PLCG2: variants seen among roughly 807,000 people sequenced by gnomAD.
The protein encoded by PLCG2 is phospholipase C gamma 2.
Under a neutral mutation model 175.6 loss-of-function variants are expected in PLCG2, and 69 were observed. That is an observed-to-expected ratio of 0.39 (90% confidence interval 0.32 to 0.48). The LOEUF is 0.48. PLCG2 is among the 20% of genes least tolerant of loss of function. PLCG2 has a pLI of 0.91. For synonymous variants in PLCG2, 827 were observed against 624.0 expected (o/e 1.33, Z -4.85); for missense variants, 1,798 against 1,650.9 (o/e 1.09, Z -1.54).
At chr16:81,819,750 A>C (rs897243100) in intron 2 of PLCG2, among the ~76,000 whole-genome samples, 6 of 151,932 alleles carry the variant, frequency 3.9e-5, no homozygotes, top group Non-Finnish European at 8.8e-5. Flanking sequence ...ATGCCTGGCT[A>C]ATTTTTGTAT....
At chr16:81,897,039 T>C (rs1015298030) in intron 13 of PLCG2, among the ~76,000 whole-genome samples, 1 of 152,226 alleles carries the variant, frequency 6.6e-6, no homozygotes, top group African/African-American at 2.4e-5. Flanking sequence ...CTGTTGCAAC[T>C]ATTCAGCCCT....
intron 12 of PLCG2, 124 bp from the exon 13 acceptor site, chr16:81,895,683 C>A: frequency 9.5e-7 from 1 of 1,049,192 alleles, no homozygotes; most frequent in Non-Finnish European, 1.4e-6. Flanking sequence ...CTCGTGTTGG[C>A]AGCCGAATGG....
At chr16:81,778,066 A>AATAC (rs1567457941), upstream of PLCG2, among the ~76,000 whole-genome samples, 753 of 84,896 alleles carry the variant, frequency 8.9e-3, 36 homozygotes, top group African/African-American at 0.029. Flanking sequence ...AAAAAAAACC[A>AATAC]AAAACACACA....
At position 81,958,317 on chromosome 16, in the gene PLCG2, G is replaced by A. The variant is rs909397483; in HGVS notation, c.*319G>A. 4 of 358,426 alleles carry A rather than the reference G, an allele frequency of 1.1e-5. No individual in the cohort carries two copies. The highest frequency in any genetic ancestry group is 8.1e-5 in the African/African-American group (4 of 49,262). 22.2% of individuals were successfully genotyped at this position (358,426 alleles called of 1,614,324 possible). A position where few individuals can be genotyped will look rare whatever the true frequency, so the allele number is the denominator to read the frequency against. On this transcript the variant is annotated 3_prime_UTR_variant, in exon 33 of 33. Coordinates refer to ENST00000564138, the MANE Select transcript of PLCG2 (RefSeq NM_002661.5). ...TGATCAATTAAGCCTTCTGTTGCAC[G>A]ACCTGTGCAGTGAACAGGATTTCTT...
At chr16:81,924,879 C>T (rs141984757) in intron 22 of PLCG2, among the ~76,000 whole-genome samples, 72 of 152,372 alleles carry the variant, frequency 4.7e-4, no homozygotes, top group Middle Eastern at 3.4e-3. Context: ...GTCTGCTTCT[C>T]CCAGTTCAGA....
At chr16:81,797,279 T>C (rs1434818811) in intron 2 of PLCG2, among the ~76,000 whole-genome samples, 3 of 144,074 alleles carry the variant, frequency 2.1e-5, no homozygotes, top group African/African-American at 7.3e-5. Context: ...TGAATCATTT[T>C]TGAAAAAAAA....
chr16:81,944,104 A>C (rs1291593774), intron 30 of PLCG2, among the ~76,000 whole-genome samples: 1 of 152,210 alleles, frequency 6.6e-6, no homozygotes, highest in Non-Finnish European at 1.5e-5. Flanking sequence ...ATTGTGTATC[A>C]GAAGAGGAAC....
chr16:81,869,950 C>T (rs28603034), intron 6 of PLCG2, among the ~76,000 whole-genome samples: 1,819 of 152,186 alleles, frequency 0.012, 41 homozygotes, highest in African/African-American at 0.038. Context: ...TCCAAACAGC[C>T]CCAGTTGGAG....
At chr16:81,926,814 G>A (rs1338970077) in intron 22 of PLCG2, among the ~76,000 whole-genome samples, 8 of 152,192 alleles carry the variant, frequency 5.3e-5, no homozygotes, top group Admixed American at 5.2e-4. Flanking sequence ...CGTAAAGCAT[G>A]GAAACTTTTG....
rs1247556051 is a variant in PLCG2 at position 81,961,757 on chromosome 16, AAAGT to A, written c.*3762_*3765del. 6.3e-5 allele frequency: 13 copies of A among 204,736 alleles called. No individual in the cohort carries two copies. Among genetic ancestry groups the A allele is most frequent in the Admixed American group, 2.4e-4 (4 of 16,816 alleles). 12.7% of individuals were successfully genotyped at this position (204,736 alleles called of 1,614,324 possible). A position where few individuals can be genotyped will look rare whatever the true frequency, so the allele number is the denominator to read the frequency against. On this transcript the variant is annotated 3_prime_UTR_variant, in exon 33 of 33. Coordinates refer to ENST00000564138, the MANE Select transcript of PLCG2 (RefSeq NM_002661.5). Reference sequence around the variant, plus strand: ...TAAGAACCTCCTGGGCTAAATTTAAAAAGTAATACAACAGTTTTATTTAAACATG... The same window carrying A: ...TAAGAACCTCCTGGGCTAAATTTAAAAATACAACAGTTTTATTTAAACATG...
intron 2 of PLCG2, among the ~76,000 whole-genome samples, chr16:81,822,761 CA>C (rs59970301): frequency 8.6e-5 from 6 of 69,844 alleles, no homozygotes; most frequent in Non-Finnish European, 1.2e-4. Flanking sequence ...GACTCCATCT[CA>C]AAAAAAAAAA....
In PLCG2 at chr16:81,959,367, G is replaced by T; in HGVS notation, c.*1369G>T. 1 of 221,952 alleles carries T rather than the reference G, an allele frequency of 4.5e-6. No individual in the cohort carries two copies. The highest frequency in any genetic ancestry group is 6.5e-5 in the East Asian group (1 of 15,300). 13.7% of individuals were successfully genotyped at this position (221,952 alleles called of 1,614,324 possible). Reference sequence around the variant, plus strand: ...GGCAGAACAAATCAGGCTCTGACCAGAAGATCCTTCTGGTCCCTTCACTCT... The same window carrying T: ...GGCAGAACAAATCAGGCTCTGACCATAAGATCCTTCTGGTCCCTTCACTCT... On this transcript the variant is annotated 3_prime_UTR_variant, in exon 33 of 33. Coordinates refer to ENST00000564138, the MANE Select transcript of PLCG2 (RefSeq NM_002661.5).
chr16:81,769,768 C>T (rs915771994), intron 2 of PLCG2, among the ~76,000 whole-genome samples: 3 of 137,804 alleles, frequency 2.2e-5, no homozygotes, highest in South Asian at 2.3e-4. Flanking sequence ...TGCAGTGAGC[C>T]GAGATCCCGC....
intron 22 of PLCG2, among the ~76,000 whole-genome samples, chr16:81,926,127 T>C (rs1168267875): frequency 6.6e-6 from 1 of 152,050 alleles, no homozygotes; most frequent in Non-Finnish European, 1.5e-5. Context: ...GGCCAAGGCA[T>C]GGAAGCTAGG....
At chr16:81,871,539 C>T (rs1327174621) in intron 7 of PLCG2, among the ~76,000 whole-genome samples, 1 of 152,056 alleles carries the variant, frequency 6.6e-6, no homozygotes, top group African/African-American at 2.4e-5. Context: ...GGTTTTGCCG[C>T]ATTGGGTGGG....
At chr16:81,937,674 T>C in intron 27 of PLCG2, 84 bp from the exon 28 acceptor site, 1 of 1,209,490 alleles carries the variant, frequency 8.3e-7, no homozygotes, top group South Asian at 1.4e-5. Context: ...AAAGGTGAAA[T>C]TCATTCCCCA....
intron 2 of PLCG2, among the ~76,000 whole-genome samples, chr16:81,803,275 C>T (rs569000902): frequency 3.3e-5 from 5 of 152,062 alleles, no homozygotes; most frequent in Admixed American, 1.3e-4. Context: ...CCCACCACCA[C>T]GCCTGTCTAA....
intron 1 of PLCG2, among the ~76,000 whole-genome samples, chr16:81,743,554 T>C (rs527590182): frequency 1.1e-4 from 17 of 151,970 alleles, no homozygotes; most frequent in Non-Finnish European, 2.4e-4. Context: ...AGGGGTGAGG[T>C]TGGGCTCAGG....
At position 81,813,722 on chromosome 16, in the gene PLCG2, C is replaced by T. The variant is rs115721445; in HGVS notation, c.193+27540C>T. The stretch of plus-strand genomic sequence containing the variant: ...TCATTGGATGGCCAGGCTGGAAGTT[C>T]CCAGGCAGCTTTCTGGGCCACCAGT... On this transcript the variant is annotated intron_variant, in intron 2 of 32. Coordinates refer to ENST00000564138, the MANE Select transcript of PLCG2 (RefSeq NM_002661.5). Among the ~76,000 whole-genome samples the T allele has an allele frequency of 3.7e-3, 557 of 152,172 alleles. 4 individuals are homozygous for T. Among genetic ancestry groups the T allele is most frequent in the African/African-American group, 0.013 (547 of 41,506 alleles).
Sources: gnomAD v4.1 joint callset for allele counts (sites outside exome capture counted in the v4.1 genomes callset) on GRCh38, gnomAD v4.1.1 for gene constraint, MANE v1.5 for transcripts, NCBI Gene and HGNC (gene_info 2026-07-23, HGNC 2026-07-21) for gene names.